The following CPNE4 variants were observed in gnomAD, a reference collection of about 807,000 sequenced individuals.
CPNE4 encodes the protein copine-4.
CPNE4 carries 25 observed loss-of-function variants against 67.9 expected under a neutral mutation model. That is an observed-to-expected ratio of 0.37 (90% CI 0.27 to 0.51). CPNE4 has a LOEUF of 0.51. CPNE4 is among the 20% of genes least tolerant of loss of function. The pLI, the probability that CPNE4 is intolerant of heterozygous loss-of-function variation, is 0.93. For synonymous variants in CPNE4, 242 were observed against 244.9 expected, an observed-to-expected ratio of 0.99 and a Z score of 0.11; for missense variants, 464 against 690.8, an observed-to-expected ratio of 0.67 and a Z score of 3.68.
At chr3:131,573,445 C>A (rs1323307396) in intron 10 of CPNE4, among the ~76,000 whole-genome samples, 1 of 152,066 alleles carries the variant, frequency 6.6e-6, no homozygotes, top group Non-Finnish European at 1.5e-5. Context: ...GGATGTGGAG[C>A]TGGGAACACT....
intron 1 of CPNE4, among the ~76,000 whole-genome samples, chr3:131,938,150 A>C (rs1020539599): frequency 1.3e-5 from 2 of 152,076 alleles, no homozygotes; most frequent in African/African-American, 4.8e-5. Context: ...TGAGCCCAGG[A>C]ATTCGAGACC....
At chr3:132,012,715 T>C (rs1038812852) in intron 1 of CPNE4, among the ~76,000 whole-genome samples, 1 of 152,126 alleles carries the variant, frequency 6.6e-6, no homozygotes, top group African/African-American at 2.4e-5. Context: ...ACTGAGAAGA[T>C]TGATGTAATG....
intron 7 of CPNE4, among the ~76,000 whole-genome samples, chr3:131,625,308 T>G (rs1450143984): frequency 6.6e-6 from 1 of 152,338 alleles, no homozygotes; most frequent in South Asian, 2.1e-4. Context: ...TTATTAGGCC[T>G]CTATTATGTA....
chr3:131,926,463 T>C (rs2070898028), intron 1 of CPNE4, among the ~76,000 whole-genome samples: 1 of 151,894 alleles, frequency 6.6e-6, no homozygotes. Context: ...AAAACAATTA[T>C]AATGAAAAGA....
chr3:131,693,604 G>A (rs1229130801), intron 5 of CPNE4, among the ~76,000 whole-genome samples: 1 of 152,116 alleles, frequency 6.6e-6, no homozygotes, highest in Admixed American at 6.6e-5. Flanking sequence ...CTTTACATGT[G>A]TGAGAGAATG....
chr3:131,988,181 C>T (rs1005821749), intron 1 of CPNE4, among the ~76,000 whole-genome samples: 1 of 152,096 alleles, frequency 6.6e-6, no homozygotes, highest in Admixed American at 6.5e-5. Context: ...GAGATACATG[C>T]TATAAGAACA....
intron 1 of CPNE4, among the ~76,000 whole-genome samples, chr3:131,931,748 A>G (rs1448251901): frequency 6.6e-6 from 1 of 152,180 alleles, no homozygotes; most frequent in Admixed American, 6.5e-5. Flanking sequence ...CCCTAAGACA[A>G]ATGCAGGGCA....
chr3:131,870,937 T>C (rs2087173735), intron 2 of CPNE4, among the ~76,000 whole-genome samples: 1 of 152,166 alleles, frequency 6.6e-6, no homozygotes, highest in African/African-American at 2.4e-5. Flanking sequence ...CACAAGCTTT[T>C]GTTGAACATC....
At chr3:131,908,553 T>C (rs1024111593) in intron 1 of CPNE4, among the ~76,000 whole-genome samples, 6 of 152,100 alleles carry the variant, frequency 3.9e-5, no homozygotes, top group Non-Finnish European at 8.8e-5. Context: ...GCCTCTCCTA[T>C]CTCCAAGAGC....
chr3:131,616,336 G>C (rs1940159004), intron 7 of CPNE4, among the ~76,000 whole-genome samples: 1 of 152,192 alleles, frequency 6.6e-6, no homozygotes, highest in Non-Finnish European at 1.5e-5. Context: ...TGACCCAGTT[G>C]TTAGGGCTGC....
intron 11 of CPNE4, among the ~76,000 whole-genome samples, chr3:131,561,162 TTCTGTACTG>T (rs1319478137): frequency 3.9e-5 from 6 of 152,084 alleles, no homozygotes; most frequent in Non-Finnish European, 8.8e-5. Context: ...CACATTCAGT[TTCTGTACTG>T]TCTTGATAGC....
chr3:131,996,752 G>GC (rs2107656131), intron 1 of CPNE4, among the ~76,000 whole-genome samples: 1 of 152,148 alleles, frequency 6.6e-6, no homozygotes, highest in Admixed American at 6.6e-5. Flanking sequence ...GTTCTGTACG[G>GC]CGTGTTCTGA....
Position 131,542,798 on chromosome 3 carries a change from A to T in CPNE4, c.1303-5T>A. ...GATCAGCAGGATGAAGTATTGCTGC[A>T]GTCAGATGCCCCATGATGATGGGGG... is the stretch of plus-strand genomic sequence containing the variant. On this transcript the variant is annotated splice_polypyrimidine_tract_variant and splice_region_variant and intron_variant, in intron 14 of 15. Coordinates refer to ENST00000429747, the MANE Select transcript of CPNE4 (RefSeq NM_130808.3). The T allele has an allele frequency of 6.4e-7, 1 of 1,564,080 alleles. No individual in the cohort carries two copies. The highest frequency in any genetic ancestry group is 2.3e-5 in the East Asian group (1 of 43,542).
intron 2 of CPNE4, among the ~76,000 whole-genome samples, chr3:131,787,214 G>T (rs1481292096): frequency 6.6e-6 from 1 of 152,146 alleles, no homozygotes; most frequent in Admixed American, 6.6e-5. Flanking sequence ...AGCAATACAT[G>T]GGGAGGGAGA....
intron 6 of CPNE4, among the ~76,000 whole-genome samples, chr3:131,685,179 G>A (rs188705597): frequency 7.4e-6 from 1 of 135,102 alleles, no homozygotes; most frequent in African/African-American, 2.8e-5. Flanking sequence ...GTAAAATGGG[G>A]GTCATCATCA....
At chr3:131,679,483 T>C (rs1376827190) in intron 6 of CPNE4, among the ~76,000 whole-genome samples, 2 of 152,156 alleles carry the variant, frequency 1.3e-5, no homozygotes, top group Non-Finnish European at 2.9e-5. Flanking sequence ...TGGGATTTGT[T>C]TGATCTTGGT....
intron 1 of CPNE4, among the ~76,000 whole-genome samples, chr3:131,978,201 T>TATATAAAATATATAAA (rs1560721217): frequency 1.9e-5 from 1 of 53,436 alleles, no homozygotes; most frequent in African/African-American, 1.3e-4. Context: ...TTTATAATTA[T>TATATAAAATATATAAA]TATATATAAT....
chr3:131,631,451 A>G (rs987083590), intron 7 of CPNE4, among the ~76,000 whole-genome samples: 1 of 152,250 alleles, frequency 6.6e-6, no homozygotes, highest in Non-Finnish European at 1.5e-5. Context: ...CACAGTTTCA[A>G]ACCGAAAAAA....
At chr3:131,547,477 AAAAAAAAAAAAAAAAAAAAAAAAAC>A (rs1453667888) in intron 14 of CPNE4, among the ~76,000 whole-genome samples, 4 of 129,820 alleles carry the variant, frequency 3.1e-5, no homozygotes, top group Non-Finnish European at 4.6e-5. Flanking sequence ...AAAAAAAAAA[AAAAAAAAAAAAAAAAAAAAAAAAAC>A]CTAATAGTGT....
Sources: gnomAD v4.1 joint callset for allele counts (sites outside exome capture counted in the v4.1 genomes callset) on GRCh38, gnomAD v4.1.1 for gene constraint, MANE v1.5 for transcripts, NCBI Gene and HGNC (gene_info 2026-07-23, HGNC 2026-07-21) for gene names.